TENM4: variants seen among roughly 807,000 people sequenced by gnomAD.
TENM4 encodes the protein teneurin transmembrane protein 4, also known as teneurin-4.
A neutral mutation model predicts 243.3 loss-of-function variants in TENM4; 82 were observed. The observed-to-expected ratio is 0.34, with a 90% CI of 0.28 to 0.40. The LOEUF is 0.40. TENM4 is among the 10% of genes least tolerant of loss of function. TENM4 has a pLI of 1.00. For synonymous variants in TENM4, 1,412 were observed against 1,456.3 expected, an observed-to-expected ratio of 0.97 and a Z score of 0.69; for missense variants, 3,138 against 3,673.3, an observed-to-expected ratio of 0.85 and a Z score of 3.77.
chr11:79,307,491 ACTTCTCAC>A (rs1856645921), intron 1 of TENM4, among the ~76,000 whole-genome samples: 1 of 151,852 alleles, frequency 6.6e-6, no homozygotes, highest in Admixed American at 6.6e-5. Flanking sequence ...AATTCTGTCC[ACTTCTCAC>A]CATCTCTGTT....
At chr11:78,927,869 CTT>C (rs2136410302) in intron 6 of TENM4, among the ~76,000 whole-genome samples, 2 of 149,176 alleles carry the variant, frequency 1.3e-5, no homozygotes, top group African/African-American at 5.1e-5. Context: ...CTCTCTCTCT[CTT>C]TTAATTACAC....
At chr11:79,182,723 A>G (rs554736505) in intron 3 of TENM4, among the ~76,000 whole-genome samples, 6 of 152,338 alleles carry the variant, frequency 3.9e-5, no homozygotes, top group South Asian at 4.1e-4. Context: ...AAGTTCAACA[A>G]TAAGAAAACA....
intron 4 of TENM4, among the ~76,000 whole-genome samples, chr11:79,147,668 A>G (rs1395985865): frequency 6.6e-6 from 1 of 152,076 alleles, no homozygotes; most frequent in African/African-American, 2.4e-5. Flanking sequence ...AGCAACTGCC[A>G]TGTTTTGAAC....
In TENM4 at chr11:78,855,913, T is replaced by C; in HGVS notation, c.1470+51A>G. Reference sequence around the variant, plus strand: ...TGGGCTTCTTAACTTTGGGTTAAGATTTGAGGTAGGAGCCCATGCAGATCA... The same window carrying C: ...TGGGCTTCTTAACTTTGGGTTAAGACTTGAGGTAGGAGCCCATGCAGATCA... On this transcript the variant is annotated intron_variant, in intron 11 of 33. Transcript: ENST00000278550. 2 of 1,522,224 alleles carry C rather than the reference T, an allele frequency of 1.3e-6. 1 individual carries two copies. Among genetic ancestry groups the C allele is most frequent in the South Asian group, 2.4e-5 (2 of 82,344 alleles). 94.3% of individuals were successfully genotyped at this position (1,522,224 alleles called of 1,614,324 possible).
intron 4 of TENM4, among the ~76,000 whole-genome samples, chr11:79,078,195 A>T (rs1040168938): frequency 6.6e-6 from 1 of 152,230 alleles, no homozygotes; most frequent in African/African-American, 2.4e-5. Context: ...GCCAGAAACG[A>T]GCCAGGAAAT....
In TENM4 at chr11:79,026,062, T is replaced by C. The variant is rs547290910; in HGVS notation, c.493+38676A>G. 2.6e-5 allele frequency among the ~76,000 whole-genome samples: 4 copies of C among 152,256 alleles called. No individual in the cohort carries two copies. The South Asian group carries it at 6.2e-4, about 24-fold the overall frequency. On this transcript the variant is annotated intron_variant, in intron 6 of 33. Coordinates refer to ENST00000278550, the MANE Select transcript of TENM4 (RefSeq NM_001098816.3). ...CTCTGTGCTCCAACGAGGGCAACGA[T>C]GTCAGTGATCACAGCATGTGTGAGC... is the stretch of plus-strand genomic sequence containing the variant.
intron 3 of TENM4, among the ~76,000 whole-genome samples, chr11:79,157,282 A>G (rs1030846090): frequency 1.3e-5 from 2 of 152,146 alleles, no homozygotes; most frequent in Admixed American, 1.3e-4. Flanking sequence ...CAGAGATCCA[A>G]TACATCTTTG....
chr11:79,117,938 C>T (rs1426515095), intron 4 of TENM4, among the ~76,000 whole-genome samples: 1 of 152,022 alleles, frequency 6.6e-6, no homozygotes, highest in African/African-American at 2.4e-5. Flanking sequence ...ATAAGAAGAC[C>T]CAGGGAAGAG....
At chr11:78,794,222 A>T (rs1857116912) in intron 15 of TENM4, among the ~76,000 whole-genome samples, 1 of 152,178 alleles carries the variant, frequency 6.6e-6, no homozygotes, top group Admixed American at 6.5e-5. Context: ...TGGAGGGAGC[A>T]AGGGGATGCT....
intron 6 of TENM4, among the ~76,000 whole-genome samples, chr11:78,950,380 T>A (rs1046151891): frequency 5.3e-5 from 8 of 151,684 alleles, no homozygotes; most frequent in Non-Finnish European, 1.2e-4. Context: ...TAGGGTATAG[T>A]GCAGGGCGGG....
At chr11:79,052,577 A>T (rs1034591206) in intron 6 of TENM4, among the ~76,000 whole-genome samples, 2 of 152,218 alleles carry the variant, frequency 1.3e-5, no homozygotes, top group African/African-American at 4.8e-5. Flanking sequence ...TCCTGTAATT[A>T]TTGACAGGTA....
intron 6 of TENM4, among the ~76,000 whole-genome samples, chr11:79,056,542 G>C (rs1391346986): frequency 6.6e-6 from 1 of 152,002 alleles, no homozygotes; most frequent in South Asian, 2.1e-4. Context: ...CTATGCGGAG[G>C]AGGCCCCAGG....
intron 17 of TENM4, among the ~76,000 whole-genome samples, chr11:78,777,943 G>C (rs1856769417): frequency 6.6e-6 from 1 of 152,112 alleles, no homozygotes; most frequent in Non-Finnish European, 1.5e-5. Flanking sequence ...TGTTTAAAAT[G>C]GAAGGAATTA....
At chr11:78,729,682 C>T (rs374121195) in intron 21 of TENM4, 39 bp from the exon 22 acceptor site, 21 of 1,561,984 alleles carry the variant, frequency 1.3e-5, no homozygotes, top group African/African-American at 2.7e-5. Flanking sequence ...GGACGGTCGT[C>T]GACTCACCGA....
chr11:79,010,005 A>G (rs1340511495), intron 6 of TENM4, among the ~76,000 whole-genome samples: 1 of 152,094 alleles, frequency 6.6e-6, no homozygotes, highest in Non-Finnish European at 1.5e-5. Flanking sequence ...TCCCCTGCAC[A>G]TGCCCTCTTG....
chr11:79,352,390 C>A (rs567677928), intron 1 of TENM4, among the ~76,000 whole-genome samples: 1 of 152,304 alleles, frequency 6.6e-6, no homozygotes, highest in South Asian at 2.1e-4. Flanking sequence ...GCTTTGGGTT[C>A]CCATGGAGCC....
Position 78,903,476 on chromosome 11 carries a change from G to T in TENM4, c.541C>A (p.Pro181Thr). ...GGGGTGTGGGCGTGCGAGAGCGGCG[G>T]CGGCGGCGTCCGGAGCCGCGCGTGG... ...QNHARLRTPP[P>T]PLSHAHTPNQ... Residue 181 changes from proline to threonine, a missense_variant, in exon 7 of 34, where the codon CCG (proline) becomes ACG (threonine). Transcript: ENST00000278550. The T allele has an allele frequency of 1.3e-6, 2 of 1,548,236 alleles. No individual in the cohort carries two copies. Among genetic ancestry groups the T allele is most frequent in the South Asian group, 1.2e-5 (1 of 83,950 alleles).
At chr11:79,248,970 C>A (rs932822164) in intron 2 of TENM4, among the ~76,000 whole-genome samples, 1 of 152,154 alleles carries the variant, frequency 6.6e-6, no homozygotes, top group Non-Finnish European at 1.5e-5. Context: ...AGAATATTTT[C>A]TGAATTTCAG....
At chr11:79,371,348 T>G (rs1857782678) in intron 1 of TENM4, among the ~76,000 whole-genome samples, 1 of 152,182 alleles carries the variant, frequency 6.6e-6, no homozygotes, top group Admixed American at 6.5e-5. Flanking sequence ...CTACTGCAGC[T>G]GGAGAAGAGT....
Sources: allele counts gnomAD v4.1 joint callset (sites outside exome capture counted in the v4.1 genomes callset), GRCh38; gene constraint gnomAD v4.1.1; transcripts MANE v1.5; gene names NCBI Gene and HGNC (gene_info 2026-07-23, HGNC 2026-07-21).